The following ABCA9 variants were observed in gnomAD, a reference collection of about 807,000 sequenced individuals.
ABCA9 encodes the protein ATP binding cassette subfamily A member 9.
A neutral mutation model predicts 205.3 loss-of-function variants in ABCA9; 183 were observed. The ratio of observed to expected loss-of-function variants is 0.89; its 90% CI spans 0.79 to 1.01. The LOEUF (loss-of-function observed/expected upper bound fraction) is 1.01, where lower values mean the gene tolerates loss of function less well. ABCA9 is among the 50% of genes least tolerant of loss of function. The pLI is 0.00. For missense variants in ABCA9, 1,805 were observed against 1,912.4 expected (o/e 0.94, Z 1.05); for synonymous variants, 651 against 683.3 (o/e 0.95, Z 0.74).
In ABCA9 at chr17:69,060,859, A is replaced by T; in HGVS notation, c.-14+7T>A. ...CAAAATAACCACAATTTTAGAGGTT[A>T]ACTTACTCTCAGGAAAGCTGGAGGA... On this transcript the variant is annotated splice_region_variant and intron_variant, in intron 1 of 38. Transcript: ENST00000340001. The T allele has an allele frequency of 1.0e-6, 1 of 985,360 alleles. No individual in the cohort carries two copies. The highest frequency in any genetic ancestry group is 1.2e-6 in the Non-Finnish European group (1 of 829,862). 61.0% of individuals were successfully genotyped at this position (985,360 alleles called of 1,614,324 possible).
chr17:68,992,074 A>G (rs992495982), intron 28 of ABCA9, 101 bp downstream of exon 28: 23 of 767,606 alleles, frequency 3.0e-5, no homozygotes, highest in Non-Finnish European at 4.5e-5. Flanking sequence ...TTTAAAAACC[A>G]TCCTGTGAAG....
chr17:69,014,261 T>C (rs1312513325), intron 22 of ABCA9, among the ~76,000 whole-genome samples: 1 of 152,128 alleles, frequency 6.6e-6, no homozygotes, highest in Non-Finnish European at 1.5e-5. Context: ...CCTGACCTCA[T>C]GTGAAGGGTC....
At chr17:68,994,664 C>G (rs2069559408) in intron 26 of ABCA9, among the ~76,000 whole-genome samples, 1 of 152,152 alleles carries the variant, frequency 6.6e-6, no homozygotes, top group Admixed American at 6.5e-5. Flanking sequence ...AGAATCATCT[C>G]ATCTTTCTAC....
the ABCA9 span, among the ~76,000 whole-genome samples, chr17:69,073,982 A>G: frequency 6.6e-6 from 1 of 152,248 alleles, no homozygotes; most frequent in East Asian, 1.9e-4. Flanking sequence ...GATTACAGGT[A>G]TGAGCCATCA....
chr17:68,991,073 C>T lies in ABCA9; in HGVS notation c.3717-116G>A. 5.2e-6 allele frequency: 6 copies of T among 1,147,040 alleles called. No homozygotes were observed. The East Asian group carries it at 1.5e-4, about 29-fold the overall frequency. The allele number at this position is 1,147,040 out of a possible 1,614,324, so 71.1% of individuals were successfully genotyped here. On this transcript the variant is annotated intron_variant, in intron 28 of 38. Transcript: ENST00000340001. ...AGTAGATTCATTCAGAGCACAACAT[C>T]CTCTCTATTCTTCTACTTGCACCAT...
the ABCA9 span, among the ~76,000 whole-genome samples, chr17:69,070,523 G>A: frequency 4.6e-5 from 7 of 152,268 alleles, no homozygotes; most frequent in East Asian, 1.9e-4. Context: ...CAAGGGAAGC[G>A]TGAGGGACTG....
chr17:68,992,646 T>TCTA (rs1436094155), intron 27 of ABCA9: 3 of 210,412 alleles, frequency 1.4e-5, no homozygotes, highest in African/African-American at 7.0e-5. Flanking sequence ...AAACCCCATC[T>TCTA]CTACTAAAAA....
intron 6 of ABCA9, among the ~76,000 whole-genome samples, chr17:69,037,475 T>C (rs2071384642): frequency 6.6e-6 from 1 of 152,078 alleles, no homozygotes; most frequent in African/African-American, 2.4e-5. Flanking sequence ...ACTGGGTAAA[T>C]AACAAAATTA....
At chr17:69,043,342 C>G (rs532165220) in intron 6 of ABCA9, 147 bp downstream of exon 6, 1 of 590,828 alleles carries the variant, frequency 1.7e-6, no homozygotes, top group African/African-American at 1.9e-5. Context: ...TGCCACTCAC[C>G]TCCTGCTATG....
chr17:68,994,012 A>G (rs1415117594), intron 26 of ABCA9, among the ~76,000 whole-genome samples: 1 of 152,028 alleles, frequency 6.6e-6, no homozygotes, highest in Non-Finnish European at 1.5e-5. Flanking sequence ...AGTAGTTTGG[A>G]TTACAGGCAC....
chr17:69,050,323 AACACACACACACACACACGAACACAC>A (rs1365588470), intron 2 of ABCA9, among the ~76,000 whole-genome samples: 3 of 123,860 alleles, frequency 2.4e-5, no homozygotes, highest in African/African-American at 5.5e-5. Context: ...TTGTTGCATG[AACACACACACACACACACGAACACAC>A]ACACACACAC....
At position 68,976,027 on chromosome 17, in the gene ABCA9, A is replaced by C. The variant is rs1363278685; in HGVS notation, c.4777-14T>G. 2 of 1,612,550 alleles carry C rather than the reference A, an allele frequency of 1.2e-6. No homozygotes were observed. Among genetic ancestry groups the C allele is most frequent in the Non-Finnish European group, 1.7e-6 (2 of 1,178,932 alleles). ...CTCCAGGAAAACCTAAAAGGAAGGAAAGAAATAAAGAGAGGAGAACAATGC... is the reference window on the plus strand; with the variant it reads ...CTCCAGGAAAACCTAAAAGGAAGGACAGAAATAAAGAGAGGAGAACAATGC... On this transcript the variant is annotated splice_polypyrimidine_tract_variant and intron_variant, in intron 38 of 38. Transcript: ENST00000340001.
chr17:69,064,209 C>A (rs1243786310), upstream of ABCA9, among the ~76,000 whole-genome samples: 1 of 152,082 alleles, frequency 6.6e-6, no homozygotes, highest in African/African-American at 2.4e-5. Context: ...CCCATTTATC[C>A]ATTTCTGTAG....
chr17:68,992,824 A>AG, intron 27 of ABCA9, 192 bp downstream of exon 27: 1 of 333,500 alleles, frequency 3.0e-6, no homozygotes, highest in Non-Finnish European at 5.3e-6. Flanking sequence ...AAAAAAAAAA[A>AG]AGGGGGGGGG....
chr17:69,000,354 G>A (rs1312991526), intron 25 of ABCA9, among the ~76,000 whole-genome samples: 2 of 151,012 alleles, frequency 1.3e-5, no homozygotes, highest in African/African-American at 2.4e-5. Flanking sequence ...TGGCTAGCCA[G>A]TTTTCCCAGC....
At chr17:69,013,382 C>CTGAGACATTA (rs1172546208) in intron 22 of ABCA9, among the ~76,000 whole-genome samples, 1 of 152,114 alleles carries the variant, frequency 6.6e-6, no homozygotes, top group Non-Finnish European at 1.5e-5. Context: ...CAGCACCCCT[C>CTGAGACATTA]TGAGACATTA....
rs746375616 is a variant in ABCA9 at position 68,989,836 on chromosome 17, T to C, written c.3932A>G (p.Asn1311Ser). 4 of 1,602,344 alleles carry C rather than the reference T, an allele frequency of 2.5e-6. No individual in the cohort carries two copies. Among genetic ancestry groups the C allele is most frequent in the Middle Eastern group, 1.7e-4 (1 of 6,038 alleles). ...SKRKKKIATRNVSFCVKKGEV... is the reference protein window; with the variant it reads ...SKRKKKIATRSVSFCVKKGEV... The stretch of plus-strand genomic sequence containing the variant: ...ACCTTTTTTAACACAAAAAGAGACA[T>C]TTCTTGTGGCAATTTTTTTCTTCCT... Residue 1311 changes from asparagine to serine, a missense_variant, in exon 30 of 39, where the codon AAT becomes AGT. By Grantham distance (46) the Asn-to-Ser change is conservative. Coordinates refer to ENST00000340001, the MANE Select transcript of ABCA9 (RefSeq NM_080283.4).
intron 16 of ABCA9, among the ~76,000 whole-genome samples, chr17:69,025,787 A>ATTGT (rs757575223): frequency 9.2e-5 from 14 of 152,216 alleles, no homozygotes; most frequent in Non-Finnish European, 2.1e-4. Flanking sequence ...AGATTGGCAG[A>ATTGT]TTGTTAAAAC....
intron 10 of ABCA9, 37 bp downstream of exon 10, chr17:69,032,071 G>C (rs72844573): frequency 0.026 from 40,271 of 1,569,194 alleles, 1,012 homozygotes; most frequent in African/African-American, 0.13. Context: ...GTCTCTGCCT[G>C]TTCTCCATTG....
Sources: allele counts gnomAD v4.1 joint callset (sites outside exome capture counted in the v4.1 genomes callset), GRCh38; gene constraint gnomAD v4.1.1; transcripts MANE v1.5; gene names NCBI Gene and HGNC (gene_info 2026-07-23, HGNC 2026-07-21).